NLGN1: variants seen among roughly 807,000 people sequenced by gnomAD.
The protein encoded by NLGN1 is neuroligin 1.
A neutral mutation model predicts 65.5 loss-of-function variants in NLGN1; 12 were observed. That is an observed-to-expected ratio of 0.18 (90% confidence interval 0.12 to 0.30). The LOEUF (loss-of-function observed/expected upper bound fraction) is 0.30. Among genes scored for constraint, NLGN1 ranks in the 10% least tolerant of loss-of-function variants. The pLI is 1.00. For synonymous variants in NLGN1, 350 were observed against 359.5 expected, an observed-to-expected ratio of 0.97 and a Z score of 0.30; for missense variants, 750 against 1,007.1, an observed-to-expected ratio of 0.74 and a Z score of 3.46.
At position 173,437,997 on chromosome 3, in the gene NLGN1, A is replaced by G. The variant is rs144614041; in HGVS notation, c.-321+2919A>G. Among the ~76,000 whole-genome samples, 13 of 151,352 alleles carry G rather than the reference A, an allele frequency of 8.6e-5. No homozygotes were observed. The East Asian group carries it at 1.7e-3, about 20-fold the overall frequency. ...GAGTTTCCAAGTATCCAAGTCCCCA[A>G]TGATTATAAAATTTGTTACTTTGGA... On this transcript the variant is annotated intron_variant, in intron 2 of 6. Transcript: ENST00000457714.
At chr3:174,005,719 A>G (rs1724227421) in intron 4 of NLGN1, among the ~76,000 whole-genome samples, 1 of 151,750 alleles carries the variant, frequency 6.6e-6, no homozygotes, top group Admixed American at 6.6e-5. Context: ...TTACCACAAA[A>G]CTAAATTTAT....
intron 4 of NLGN1, among the ~76,000 whole-genome samples, chr3:174,175,899 A>T (rs1729362546): frequency 6.6e-6 from 1 of 151,886 alleles, no homozygotes; most frequent in South Asian, 2.1e-4. Context: ...CATGATTTCC[A>T]TCTAGAATAT....
At chr3:173,972,499 G>T (rs547982379) in intron 4 of NLGN1, among the ~76,000 whole-genome samples, 28 of 152,254 alleles carry the variant, frequency 1.8e-4, no homozygotes, top group Non-Finnish European at 3.2e-4. Flanking sequence ...TCCCAAAGAA[G>T]TGTGAGTGGA....
chr3:173,519,974 G>A (rs571398648), intron 2 of NLGN1, among the ~76,000 whole-genome samples: 2 of 152,102 alleles, frequency 1.3e-5, no homozygotes, highest in Admixed American at 6.5e-5. Context: ...ATCATGGGAC[G>A]GAGTTATCAT....
chr3:174,218,450 A>G (rs977605724), intron 4 of NLGN1, among the ~76,000 whole-genome samples: 1 of 152,040 alleles, frequency 6.6e-6, no homozygotes, highest in Non-Finnish European at 1.5e-5. Context: ...TTCACCCAAT[A>G]TCTTTCCCAC....
intron 2 of NLGN1, among the ~76,000 whole-genome samples, chr3:173,472,012 A>G (rs2148930074): frequency 6.6e-6 from 1 of 152,268 alleles, no homozygotes; most frequent in East Asian, 1.9e-4. Flanking sequence ...GCTGGGGTTA[A>G]TATAAAACTC....
intron 4 of NLGN1, among the ~76,000 whole-genome samples, chr3:174,160,067 A>G (rs1726206844): frequency 6.6e-6 from 1 of 151,558 alleles, no homozygotes; most frequent in South Asian, 2.1e-4. Context: ...CCTTTTATTC[A>G]TCTCTAGAAC....
chr3:174,043,125 T>C (rs1265935140), intron 4 of NLGN1, among the ~76,000 whole-genome samples: 1 of 152,128 alleles, frequency 6.6e-6, no homozygotes, highest in Non-Finnish European at 1.5e-5. Flanking sequence ...ATGAGAACAG[T>C]ATAAGGGAAG....
intron 3 of NLGN1, among the ~76,000 whole-genome samples, chr3:173,738,136 A>T (rs1385483632): frequency 1.3e-5 from 2 of 151,944 alleles, no homozygotes; most frequent in African/African-American, 4.8e-5. Context: ...AACTTTATGT[A>T]TTCTAGACAC....
rs77180349 is a variant in NLGN1 at position 174,179,837 on chromosome 3, A to G, written c.647-95478A>G. ...AATTTAAAATCCATCTCTAAGAAGC[A>G]GCATCCACAAGACTACCCTCTGATA... On this transcript the variant is annotated intron_variant, in intron 4 of 6. Coordinates refer to ENST00000457714, the Ensembl canonical transcript of NLGN1. Among the ~76,000 whole-genome samples, 927 of 152,256 alleles carry G rather than the reference A, an allele frequency of 6.1e-3. 10 individuals carry two copies. The highest frequency in any genetic ancestry group is 0.021 in the African/African-American group (872 of 41,560).
At chr3:173,524,248 C>T (rs1392153154) in intron 2 of NLGN1, among the ~76,000 whole-genome samples, 1 of 151,858 alleles carries the variant, frequency 6.6e-6, no homozygotes. Context: ...TTTCATTAGC[C>T]TTTTGTAGTT....
intron 4 of NLGN1, among the ~76,000 whole-genome samples, chr3:174,094,225 T>G (rs1220477320): frequency 6.6e-6 from 1 of 152,178 alleles, no homozygotes; most frequent in African/African-American, 2.4e-5. Context: ...AATTTATAAG[T>G]TACGCCCCCA....
intron 4 of NLGN1, among the ~76,000 whole-genome samples, chr3:173,866,267 G>A (rs1161526039): frequency 6.6e-6 from 1 of 152,126 alleles, no homozygotes; most frequent in Non-Finnish European, 1.5e-5. Context: ...AGTGATTCTC[G>A]CTTGAACCCG....
exon 7 of NLGN1, chr3:174,282,759 T>C (rs1381687781): frequency 6.6e-6 from 1 of 152,140 alleles, no homozygotes; most frequent in Admixed American, 6.6e-5. Flanking sequence ...TCCTGATAAA[T>C]ACTTTCTCTC....
At chr3:173,948,794 A>T (rs2152324771) in intron 4 of NLGN1, among the ~76,000 whole-genome samples, 1 of 152,268 alleles carries the variant, frequency 6.6e-6, no homozygotes, top group African/African-American at 2.4e-5. Flanking sequence ...TTATTCCTAA[A>T]GTTTTATTTT....
chr3:174,204,669 G>A (rs540330604), intron 4 of NLGN1, among the ~76,000 whole-genome samples: 23 of 152,340 alleles, frequency 1.5e-4, no homozygotes, highest in African/African-American at 5.5e-4. Context: ...AATTATAGAA[G>A]ATTGTGGTCT....
downstream of NLGN1, among the ~76,000 whole-genome samples, chr3:174,291,542 G>C (rs1012518470): frequency 2.6e-5 from 4 of 151,090 alleles, no homozygotes; most frequent in Admixed American, 2.0e-4. Context: ...TATATAATTA[G>C]ATCATCATCA....
intron 2 of NLGN1, among the ~76,000 whole-genome samples, chr3:173,560,472 T>C (rs1048664969): frequency 4.6e-5 from 7 of 151,916 alleles, no homozygotes; most frequent in Non-Finnish European, 1.0e-4. Flanking sequence ...GACTAATTTC[T>C]TATTTACTCC....
At position 173,605,608 on chromosome 3, in the gene NLGN1, G is replaced by A. The variant is rs1407683290; in HGVS notation, c.493+517G>A. ...TAGAAAAGGAGGTATGTATAAAAGT[G>A]GAAATTAAAAATGGGGGAAAAAGCT... On this transcript the variant is annotated intron_variant, in intron 3 of 6. Coordinates refer to ENST00000457714, the Ensembl canonical transcript of NLGN1. 3 of 1,255,342 alleles carry A rather than the reference G, an allele frequency of 2.4e-6. No homozygotes were observed. The highest frequency in any genetic ancestry group is 2.1e-6 in the Non-Finnish European group (2 of 958,334). 77.8% of individuals were successfully genotyped at this position (1,255,342 alleles called of 1,614,324 possible).
Sources: allele counts gnomAD v4.1 joint callset (sites outside exome capture counted in the v4.1 genomes callset), GRCh38; gene constraint gnomAD v4.1.1; transcripts MANE v1.5; gene names NCBI Gene and HGNC (gene_info 2026-07-23, HGNC 2026-07-21).